The following GNA14 variants were observed in gnomAD, a reference collection of about 807,000 sequenced individuals.
The protein encoded by GNA14 is guanine nucleotide-binding protein subunit alpha-14.
Under a neutral mutation model 42.0 loss-of-function variants are expected in GNA14, and 50 were observed. The observed-to-expected ratio is 1.19, with a 90% CI of 0.95 to 1.51. The LOEUF (loss-of-function observed/expected upper bound fraction) is 1.51, where lower values mean the gene tolerates loss of function less well. GNA14 is among the 40% of genes most tolerant of loss of function. The pLI is 0.00. For synonymous variants in GNA14, 173 were observed against 163.1 expected, an observed-to-expected ratio of 1.06 and a Z score of -0.46; for missense variants, 473 against 446.2, an observed-to-expected ratio of 1.06 and a Z score of -0.54.
chr9:77,515,651 A>G (rs541668107), intron 2 of GNA14, among the ~76,000 whole-genome samples: 1 of 152,218 alleles, frequency 6.6e-6, no homozygotes, highest in African/African-American at 2.4e-5. Flanking sequence ...GGAATACAGC[A>G]TTGCTCTTGA....
intron 1 of GNA14, among the ~76,000 whole-genome samples, chr9:77,625,781 A>G (rs986022909): frequency 1.3e-5 from 2 of 152,220 alleles, no homozygotes; most frequent in Non-Finnish European, 2.9e-5. Flanking sequence ...CTGCAAAAAC[A>G]TATCAAATTG....
chr9:77,550,711 T>C (rs1420329384), intron 1 of GNA14, among the ~76,000 whole-genome samples: 1 of 152,192 alleles, frequency 6.6e-6, no homozygotes, highest in Non-Finnish European at 1.5e-5. Context: ...AATCCAACCA[T>C]TGTTTACACA....
At chr9:77,617,477 C>A (rs2117961358) in intron 1 of GNA14, among the ~76,000 whole-genome samples, 1 of 152,246 alleles carries the variant, frequency 6.6e-6, no homozygotes. Context: ...GATCAACCCC[C>A]TTCACTTTTA....
intron 1 of GNA14, among the ~76,000 whole-genome samples, chr9:77,561,976 G>A (rs1277704152): frequency 1.3e-5 from 2 of 152,094 alleles, no homozygotes; most frequent in South Asian, 2.1e-4. Flanking sequence ...CCCTTTTTGG[G>A]GATAAAGCCC....
chr9:77,458,317 G>C (rs1157155884), intron 2 of GNA14, among the ~76,000 whole-genome samples: 1 of 152,136 alleles, frequency 6.6e-6, no homozygotes, highest in African/African-American at 2.4e-5. Context: ...AAGTCTCCTG[G>C]GAACTCTTTG....
intron 1 of GNA14, among the ~76,000 whole-genome samples, chr9:77,542,016 C>G (rs554264333): frequency 6.6e-6 from 1 of 152,128 alleles, no homozygotes; most frequent in South Asian, 2.1e-4. Flanking sequence ...ATTTTGAAAT[C>G]TTTGAGATTT....
At chr9:77,514,361 A>C (rs1322755731) in intron 2 of GNA14, among the ~76,000 whole-genome samples, 1 of 152,054 alleles carries the variant, frequency 6.6e-6, no homozygotes, top group Non-Finnish European at 1.5e-5. Flanking sequence ...GGTTCATAAT[A>C]TTGTCTTCAC....
intron 1 of GNA14, among the ~76,000 whole-genome samples, chr9:77,615,829 C>T (rs1285774366): frequency 6.6e-6 from 1 of 151,084 alleles, no homozygotes; most frequent in Non-Finnish European, 1.5e-5. Flanking sequence ...CCAACAGAAT[C>T]ATCAGTTCTT....
chr9:77,494,859 G>A (rs538053325), intron 2 of GNA14, among the ~76,000 whole-genome samples: 2 of 152,168 alleles, frequency 1.3e-5, no homozygotes, highest in Non-Finnish European at 2.9e-5. Flanking sequence ...GAGTGCAGTA[G>A]TGTGATCCTG....
At chr9:77,558,475 G>C (rs150413310) in intron 1 of GNA14, among the ~76,000 whole-genome samples, 1 of 152,222 alleles carries the variant, frequency 6.6e-6, no homozygotes, top group African/African-American at 2.4e-5. Context: ...CAAAGTTTGA[G>C]TAGTAGTCTT....
chr9:77,504,825 A>G (rs976920257), intron 2 of GNA14, among the ~76,000 whole-genome samples: 2 of 151,616 alleles, frequency 1.3e-5, no homozygotes, highest in Admixed American at 6.6e-5. Context: ...GCACCACCAC[A>G]CCTGGATAAT....
intron 2 of GNA14, among the ~76,000 whole-genome samples, chr9:77,500,579 C>T (rs1428953996): frequency 6.6e-6 from 1 of 152,178 alleles, no homozygotes; most frequent in Non-Finnish European, 1.5e-5. Context: ...TGTTGCTCTA[C>T]AGCCATAACC....
intron 1 of GNA14, among the ~76,000 whole-genome samples, chr9:77,620,348 A>G (rs1436382972): frequency 1.3e-5 from 2 of 152,212 alleles, no homozygotes; most frequent in African/African-American, 2.4e-5. Flanking sequence ...AAGGCTTTAG[A>G]TAACATCCAG....
chr9:77,567,925 G>A (rs4744836), intron 1 of GNA14, among the ~76,000 whole-genome samples: 95,694 of 151,890 alleles, frequency 0.63, 31,498 homozygotes, highest in African/African-American at 0.83. Flanking sequence ...AATGTTCACC[G>A]TATCTTGTTC....
At chr9:77,519,718 C>T (rs1242673015) in intron 2 of GNA14, among the ~76,000 whole-genome samples, 2 of 152,032 alleles carry the variant, frequency 1.3e-5, no homozygotes, top group Non-Finnish European at 2.9e-5. Context: ...GATGGTTACA[C>T]TGAAAGCCCA....
At chr9:77,442,359 G>A (rs528390344) in intron 2 of GNA14, among the ~76,000 whole-genome samples, 3 of 152,332 alleles carry the variant, frequency 2.0e-5, no homozygotes, top group African/African-American at 2.4e-5. Flanking sequence ...GCAACAGAGT[G>A]AGACTATGTC....
chr9:77,632,574 C>A (rs1824116109), intron 1 of GNA14, among the ~76,000 whole-genome samples: 1 of 152,140 alleles, frequency 6.6e-6, no homozygotes, highest in African/African-American at 2.4e-5. Context: ...TTTGAGGACC[C>A]CAGACCTAGG....
intron 1 of GNA14, among the ~76,000 whole-genome samples, chr9:77,645,378 T>G (rs1824336515): frequency 6.6e-6 from 1 of 152,206 alleles, no homozygotes; most frequent in South Asian, 2.1e-4. Flanking sequence ...GGCTCTTCCT[T>G]GAGAAGAAAT....
At chr9:77,587,331 C>T (rs1436085959) in intron 1 of GNA14, among the ~76,000 whole-genome samples, 1 of 152,136 alleles carries the variant, frequency 6.6e-6, no homozygotes, top group African/African-American at 2.4e-5. Flanking sequence ...AGCAGGAACT[C>T]ATATTAGTAT....
Sources: allele counts gnomAD v4.1 joint callset (sites outside exome capture counted in the v4.1 genomes callset), GRCh38; gene constraint gnomAD v4.1.1; transcripts MANE v1.5; gene names NCBI Gene and HGNC (gene_info 2026-07-23, HGNC 2026-07-21).